The following MYCBP2 variants were observed in gnomAD, a reference collection of about 807,000 sequenced individuals.
MYCBP2 encodes the protein MYC binding protein 2.
In MYCBP2, 120 loss-of-function variants were observed where a neutral mutation model predicts 525.3. The observed-to-expected ratio is 0.23, with a 90% CI of 0.20 to 0.27. MYCBP2 has a LOEUF of 0.27. Ranked by LOEUF, MYCBP2 falls within the 10% of genes least tolerant of loss-of-function variation. MYCBP2 has a pLI of 1.00. For synonymous variants in MYCBP2, 1,894 were observed against 1,955.8 expected (o/e 0.97, Z 0.83); for missense variants, 4,149 against 5,657.1 (o/e 0.73, Z 8.55).
Position 77,211,315 on chromosome 13 carries a change from C to T in MYCBP2, c.3268G>A (p.Val1090Ile). ...IFASKHIIGL[V>I]PASISEPPPF... Reference sequence around the variant, plus strand: ...GGAGGTTCTGATATAGAAGCAGGTACCAAGCCTTAAGAAAAAAATATTTAT... The same window carrying T: ...GGAGGTTCTGATATAGAAGCAGGTATCAAGCCTTAAGAAAAAAATATTTAT... Residue 1090 changes from valine to isoleucine, a missense_variant, in exon 23 of 83, where the codon GTA (valine) becomes ATA (isoleucine). This residue lies in a region of MYCBP2 where 620 missense variants were observed against 795.5 expected (regional missense o/e 0.78). Transcript: ENST00000544440. The T allele has an allele frequency of 1.4e-6, 2 of 1,405,258 alleles. No individual in the cohort carries two copies. The highest frequency in any genetic ancestry group is 1.9e-6 in the Non-Finnish European group (2 of 1,076,928). 87.0% of individuals were successfully genotyped at this position (1,405,258 alleles called of 1,614,324 possible). A position where few individuals can be genotyped will look rare whatever the true frequency, so the allele number is the denominator to read the frequency against.
chr13:77,187,812 C>T (rs781372127), intron 30 of MYCBP2, among the ~76,000 whole-genome samples: 2 of 151,600 alleles, frequency 1.3e-5, no homozygotes, highest in Non-Finnish European at 2.9e-5. Context: ...TTTGGGAGGC[C>T]GAGGCGGGTG....
Position 77,081,609 on chromosome 13 carries a change from C to A in MYCBP2, c.11236G>T (p.Val3746Phe), listed in dbSNP as rs1353617193. The A allele has an allele frequency of 6.2e-7, 1 of 1,613,684 alleles. No individual in the cohort carries two copies. The highest frequency in any genetic ancestry group is 1.7e-5 in the Admixed American group (1 of 59,966). Residue 3746 changes from valine (V) to phenylalanine (F), a missense_variant, in exon 65 of 83, where the codon GTT becomes TTT. Physicochemically the swap from Val to Phe is conservative, Grantham distance 50. Coordinates refer to ENST00000544440, the MANE Select transcript of MYCBP2 (RefSeq NM_015057.5). The surrounding 1 kb of genome is among the most constrained non-coding windows in gnomAD (Gnocchi z 4.6). ...VMCLKDLTSIVDIKTSSRPAM... is the reference protein window; with the variant it reads ...VMCLKDLTSIFDIKTSSRPAM... ...GGTCGGCTTGAAGTTTTTATGTCAA[C>A]AATGCTGGTTAAGTCCTTTAAGCAC... is the stretch of plus-strand genomic sequence containing the variant.
intron 26 of MYCBP2, among the ~76,000 whole-genome samples, chr13:77,204,951 T>G (rs985053915): frequency 1.3e-5 from 2 of 148,764 alleles, no homozygotes; most frequent in African/African-American, 2.5e-5. Context: ...TAATGCTAGA[T>G]GACAAGTTCG....
At position 77,212,125 on chromosome 13, in the gene MYCBP2, T is replaced by C. The variant is rs140746240; in HGVS notation, c.3093A>G (p.Pro1031=). Residue 1031 remains proline, a synonymous_variant, in exon 22 of 83, where the codon CCA becomes CCG. Coordinates refer to ENST00000544440, the MANE Select transcript of MYCBP2 (RefSeq NM_015057.5). ...GQLGRPILDV[P]YWNAKPAPMP... ...TGGGAGCTGGCTTTGCATTCCAATA[T>C]GGCACATCCAAAATTGGTCTGCCCA... 88 of 1,614,132 alleles carry C rather than the reference T, an allele frequency of 5.5e-5. 2 individuals are homozygous for C. In the East Asian group the frequency reaches 1.8e-3, roughly 33 times the overall value.
At chr13:77,201,673 C>T (rs764239919) in intron 26 of MYCBP2, among the ~76,000 whole-genome samples, 1 of 151,196 alleles carries the variant, frequency 6.6e-6, no homozygotes, top group Non-Finnish European at 1.5e-5. Context: ...TGTAAAAGAA[C>T]AGAAATTATA....
At chr13:77,303,571 A>T (rs73223451) in intron 1 of MYCBP2, among the ~76,000 whole-genome samples, 1 of 152,352 alleles carries the variant, frequency 6.6e-6, no homozygotes, top group Non-Finnish European at 1.5e-5. Flanking sequence ...CAAACAACTA[A>T]GAAATTCCCA....
chr13:77,194,758 AC>A (rs1181781467), intron 26 of MYCBP2, among the ~76,000 whole-genome samples: 1 of 152,206 alleles, frequency 6.6e-6, no homozygotes, highest in Non-Finnish European at 1.5e-5. Context: ...TCTTAAAAAA[AC>A]AAACAATAAA....
At chr13:77,125,127 T>A (rs114389879) in intron 54 of MYCBP2, among the ~76,000 whole-genome samples, 1,703 of 152,286 alleles carry the variant, frequency 0.011, 6 homozygotes, top group African/African-American at 0.016. Context: ...TGTTTCGAAT[T>A]TTCTTTTAAT....
intron 58 of MYCBP2, among the ~76,000 whole-genome samples, chr13:77,093,828 A>G (rs1420859991): frequency 6.6e-6 from 1 of 152,166 alleles, no homozygotes. Flanking sequence ...ATAAGATCAT[A>G]TTTGAAAAAT....
At chr13:77,048,218 C>G (rs1023180140) in intron 82 of MYCBP2, among the ~76,000 whole-genome samples, 2 of 152,050 alleles carry the variant, frequency 1.3e-5, no homozygotes, top group Non-Finnish European at 2.9e-5. Context: ...GAGAGGCCCC[C>G]TGCCCTTCCA....
At chr13:77,305,988 C>A (rs914102058) in intron 1 of MYCBP2, among the ~76,000 whole-genome samples, 4 of 151,936 alleles carry the variant, frequency 2.6e-5, no homozygotes, top group African/African-American at 9.7e-5. Flanking sequence ...GAGGAAAATG[C>A]AAGGATTTGT....
chr13:77,183,933 C>CT (rs966554230), intron 32 of MYCBP2, among the ~76,000 whole-genome samples: 1 of 152,114 alleles, frequency 6.6e-6, no homozygotes, highest in Non-Finnish European at 1.5e-5. Context: ...AGTTTACCAA[C>CT]TTTTTTTCTT....
chr13:77,088,166 CA>C (rs2154115644), intron 61 of MYCBP2, among the ~76,000 whole-genome samples: 1 of 152,052 alleles, frequency 6.6e-6, no homozygotes, highest in Admixed American at 6.6e-5. Flanking sequence ...TTAAAAAAAA[CA>C]GGAAAAATAA....
At chr13:77,076,197 G>A (rs2042262949) in intron 68 of MYCBP2, 1 of 152,222 alleles carries the variant, frequency 6.6e-6, no homozygotes, top group South Asian at 2.1e-4. Flanking sequence ...AAACATGTGT[G>A]TGATGCTACC....
intron 48 of MYCBP2, among the ~76,000 whole-genome samples, chr13:77,144,818 C>G (rs2055258579): frequency 6.6e-6 from 1 of 152,152 alleles, no homozygotes; most frequent in Non-Finnish European, 1.5e-5. Flanking sequence ...CAATCAGATA[C>G]AACCTCAAAG....
intron 58 of MYCBP2, among the ~76,000 whole-genome samples, chr13:77,093,920 T>C (rs1215974207): frequency 1.3e-5 from 2 of 152,208 alleles, no homozygotes; most frequent in Non-Finnish European, 2.9e-5. Context: ...AAATCTATAA[T>C]TATGCTGTGT....
intron 15 of MYCBP2, among the ~76,000 whole-genome samples, chr13:77,249,355 T>C (rs891627684): frequency 3.3e-5 from 5 of 152,334 alleles, no homozygotes; most frequent in South Asian, 4.1e-4. Flanking sequence ...TTCTGATATA[T>C]TCAGTTTGCT....
At chr13:77,304,101 A>G (rs1222893219) in intron 1 of MYCBP2, among the ~76,000 whole-genome samples, 3 of 152,168 alleles carry the variant, frequency 2.0e-5, no homozygotes, top group Non-Finnish European at 2.9e-5. Flanking sequence ...CAGAACTACC[A>G]TATGATCCAG....
At chr13:77,075,871 A>G (rs2042203805) in intron 68 of MYCBP2, 1 of 152,238 alleles carries the variant, frequency 6.6e-6, no homozygotes, top group African/African-American at 2.4e-5. Context: ...CCAGCATTTA[A>G]GAAATCTTAT....
Sources: allele counts gnomAD v4.1 joint callset (sites outside exome capture counted in the v4.1 genomes callset), GRCh38; gene constraint gnomAD v4.1.1; regional missense constraint gnomAD v4.1.1; non-coding constraint Gnocchi (gnomAD v3.1); transcripts MANE v1.5; gene names NCBI Gene and HGNC (gene_info 2026-07-23, HGNC 2026-07-21).